Variants in DCAF6 observed in about 807,000 individuals in gnomAD.
DCAF6 encodes the protein DDB1- and CUL4-associated factor 6.
A neutral mutation model predicts 125.1 loss-of-function variants in DCAF6; 54 were observed. The observed-to-expected ratio is 0.43, with a 90% CI of 0.35 to 0.54. The LOEUF is 0.54. Among genes scored for constraint, DCAF6 ranks in the 20% least tolerant of loss-of-function variants. The probability of loss-of-function intolerance (pLI) is 0.01; values close to 1 mark genes in which losing one functional copy is unlikely to be tolerated. For missense variants in DCAF6, 934 were observed against 1,161.7 expected (o/e 0.80, Z 2.85); for synonymous variants, 371 against 390.4 (o/e 0.95, Z 0.58).
At chr1:167,957,969 T>C (rs1466252369) in intron 2 of DCAF6, among the ~76,000 whole-genome samples, 1 of 152,158 alleles carries the variant, frequency 6.6e-6, no homozygotes, top group East Asian at 1.9e-4. Flanking sequence ...TTAAATCCTT[T>C]ACCTATTTTT....
intron 1 of DCAF6, among the ~76,000 whole-genome samples, chr1:167,938,852 A>G (rs556736978): frequency 1.1e-4 from 16 of 152,126 alleles, no homozygotes; most frequent in African/African-American, 3.9e-4. Context: ...TCCTACTCCA[A>G]CTCCCTAATG....
chr1:168,034,524 G>T (rs992439350), intron 12 of DCAF6, among the ~76,000 whole-genome samples: 2 of 152,264 alleles, frequency 1.3e-5, no homozygotes, highest in African/African-American at 4.8e-5. Context: ...AGGATGGAGT[G>T]GGGGAGGAAA....
In DCAF6 at chr1:168,056,334, G is replaced by C. The variant is rs1024371746; in HGVS notation, c.2300+5401G>C. The C allele has an allele frequency of 2.9e-5, 47 of 1,596,754 alleles. 2 individuals carry two copies. The African/African-American group carries it at 6.4e-4, about 22-fold the overall frequency. On this transcript the variant is annotated intron_variant, in intron 17 of 21. Transcript: ENST00000367840. ...GACGGCGCCCACCCCCAGCTGCCAGGGCCTCGGCGGGCAGGGCGCGGCGGG... is the reference window on the plus strand; with the variant it reads ...GACGGCGCCCACCCCCAGCTGCCAGCGCCTCGGCGGGCAGGGCGCGGCGGG...
chr1:168,008,002 A>C (rs1214425655), intron 10 of DCAF6, among the ~76,000 whole-genome samples: 4 of 107,774 alleles, frequency 3.7e-5, no homozygotes, highest in Admixed American at 1.5e-4. Flanking sequence ...AGACAGTCTC[A>C]CTCTGTCACC....
chr1:168,039,287 A>T (rs1688203231), intron 13 of DCAF6, among the ~76,000 whole-genome samples: 1 of 151,852 alleles, frequency 6.6e-6, no homozygotes, highest in South Asian at 2.1e-4. Context: ...AGTGTTCAAT[A>T]TATTTATTTA....
At chr1:168,002,937 A>G (rs1469408445) in intron 8 of DCAF6, among the ~76,000 whole-genome samples, 9 of 152,176 alleles carry the variant, frequency 5.9e-5, no homozygotes. Flanking sequence ...CAAGGGTTTT[A>G]TATTAGCACA....
intron 11 of DCAF6, chr1:168,019,603 T>C (rs1362931751): frequency 4.4e-6 from 2 of 452,710 alleles, no homozygotes; most frequent in Admixed American, 2.4e-5. Context: ...CTGTGGAGTC[T>C]GCTGGTACTG....
At chr1:167,983,447 TTAGA>T (rs959423115) in intron 4 of DCAF6, among the ~76,000 whole-genome samples, 1 of 148,778 alleles carries the variant, frequency 6.7e-6, no homozygotes, top group Non-Finnish European at 1.5e-5. Context: ...CAGCTAAGGG[TTAGA>T]TAGAGATTTC....
At chr1:167,942,256 G>T (rs1158427208) in intron 1 of DCAF6, among the ~76,000 whole-genome samples, 2 of 151,884 alleles carry the variant, frequency 1.3e-5, no homozygotes, top group Admixed American at 6.6e-5. Context: ...TAGACATGGG[G>T]TTTTGCCATG....
upstream of DCAF6, among the ~76,000 whole-genome samples, chr1:167,932,824 AAAAGAAAAG>A (rs1670948223): frequency 6.6e-6 from 1 of 150,758 alleles, no homozygotes; most frequent in African/African-American, 2.5e-5. Context: ...AAAAAAAAAA[AAAAGAAAAG>A]AAAAGAAAAG....
At chr1:167,878,359 CA>C in the DCAF6 span, 1 of 1,485,328 alleles carries the variant, frequency 6.7e-7, no homozygotes, top group Admixed American at 1.7e-5. Flanking sequence ...GAACTGGCTC[CA>C]AATCTTAAAT....
chr1:167,997,297 C>G (rs1406174622), intron 7 of DCAF6, among the ~76,000 whole-genome samples: 1 of 152,112 alleles, frequency 6.6e-6, no homozygotes, highest in Non-Finnish European at 1.5e-5. Flanking sequence ...AACCATGAAG[C>G]AAGATTCTAT....
At chr1:168,001,625 A>T (rs1209357873) in intron 7 of DCAF6, among the ~76,000 whole-genome samples, 1 of 152,178 alleles carries the variant, frequency 6.6e-6, no homozygotes, top group Non-Finnish European at 1.5e-5. Context: ...CTGAGATTTT[A>T]TGAAGTTGAA....
chr1:168,032,327 A>G (rs1193716089), intron 12 of DCAF6, among the ~76,000 whole-genome samples: 2 of 152,238 alleles, frequency 1.3e-5, no homozygotes, highest in African/African-American at 2.4e-5. Flanking sequence ...CTCTGTTAGC[A>G]GTCTACTCCT....
intron 3 of DCAF6, among the ~76,000 whole-genome samples, chr1:167,971,856 A>G (rs1307759776): frequency 2.0e-5 from 3 of 151,990 alleles, no homozygotes; most frequent in African/African-American, 7.3e-5. Flanking sequence ...TATTATTGTT[A>G]TTGTAATTTT....
intron 5 of DCAF6, among the ~76,000 whole-genome samples, chr1:167,990,380 T>A (rs1038991510): frequency 2.0e-5 from 3 of 151,994 alleles, no homozygotes; most frequent in Admixed American, 6.6e-5. Flanking sequence ...AAAAAAAATA[T>A]GAATACTATA....
the DCAF6 span, among the ~76,000 whole-genome samples, chr1:167,888,736 C>T: frequency 6.6e-6 from 1 of 151,494 alleles, no homozygotes; most frequent in Admixed American, 6.6e-5. Flanking sequence ...ATTAGCGGGG[C>T]GTGGTGGCGG....
intron 13 of DCAF6, among the ~76,000 whole-genome samples, chr1:168,040,867 C>A (rs1572058282): frequency 7.4e-6 from 1 of 135,366 alleles, no homozygotes. Context: ...TATTATTATG[C>A]AAGTATTCAA....
intron 2 of DCAF6, among the ~76,000 whole-genome samples, chr1:167,964,099 G>C (rs1469159476): frequency 1.3e-5 from 2 of 152,164 alleles, no homozygotes. Flanking sequence ...TAAGTAAAAT[G>C]AAAGTTTGTG....
Sources: gnomAD v4.1 joint callset for allele counts (sites outside exome capture counted in the v4.1 genomes callset) on GRCh38, gnomAD v4.1.1 for gene constraint, MANE v1.5 for transcripts, NCBI Gene and HGNC (gene_info 2026-07-23, HGNC 2026-07-21) for gene names.